CCDC178: variants seen among roughly 807,000 people sequenced by gnomAD.
CCDC178 encodes the protein coiled-coil domain-containing protein 178.
A neutral mutation model predicts 117.4 loss-of-function variants in CCDC178; 126 were observed. That is an observed-to-expected ratio of 1.07 (90% CI 0.93 to 1.24). CCDC178 has a LOEUF of 1.24. Among genes scored for constraint, CCDC178 ranks in the 50% most tolerant of loss-of-function variants. The pLI is 0.00. For synonymous variants in CCDC178, 283 were observed against 313.4 expected (o/e 0.90, Z 1.02); for missense variants, 1,030 against 986.9 (o/e 1.04, Z -0.59).
At chr18:33,023,524 G>T (rs1486670563) in intron 21 of CCDC178, among the ~76,000 whole-genome samples, 1 of 152,028 alleles carries the variant, frequency 6.6e-6, no homozygotes, top group Non-Finnish European at 1.5e-5. Flanking sequence ...TGAACTGAAT[G>T]AAAATGAAAA....
At chr18:33,266,786 G>A in intron 14 of CCDC178, 130 bp downstream of exon 14, 1 of 953,852 alleles carries the variant, frequency 1.0e-6, no homozygotes. Flanking sequence ...ATTTTGAATA[G>A]AACTTAAATT....
chr18:33,035,532 A>G (rs1478910810), intron 21 of CCDC178, among the ~76,000 whole-genome samples: 1 of 152,012 alleles, frequency 6.6e-6, no homozygotes, highest in Non-Finnish European at 1.5e-5. Context: ...CAAATATTGT[A>G]AGATCTCACT....
intron 21 of CCDC178, among the ~76,000 whole-genome samples, chr18:33,039,916 G>A (rs769624817): frequency 3.3e-5 from 5 of 151,726 alleles, no homozygotes; most frequent in African/African-American, 1.2e-4. Context: ...CCACAGGATC[G>A]ACTACAATTG....
chr18:33,430,161 T>C (rs12327414), intron 2 of CCDC178, among the ~76,000 whole-genome samples: 21,447 of 152,182 alleles, frequency 0.14, 1,540 homozygotes, highest in East Asian at 0.19. Flanking sequence ...AAAACTTTAC[T>C]TGAGTAAAAT....
chr18:33,183,816 C>T (rs1384119689), intron 20 of CCDC178, among the ~76,000 whole-genome samples: 1 of 152,018 alleles, frequency 6.6e-6, no homozygotes, highest in Non-Finnish European at 1.5e-5. Context: ...TACTTCATTG[C>T]ACTCTGATCT....
At chr18:33,363,872 T>G (rs1256341252) in intron 6 of CCDC178, among the ~76,000 whole-genome samples, 1 of 152,214 alleles carries the variant, frequency 6.6e-6, no homozygotes, top group Admixed American at 6.6e-5. Flanking sequence ...GGCAATGGAC[T>G]GATAGATTGC....
chr18:33,331,025 G>A (rs1045567178), intron 10 of CCDC178, among the ~76,000 whole-genome samples: 2 of 55,164 alleles, frequency 3.6e-5, no homozygotes, highest in Non-Finnish European at 5.9e-5. Context: ...CACAAACATT[G>A]CTTTTTTTTT....
intron 20 of CCDC178, among the ~76,000 whole-genome samples, chr18:33,129,568 C>T (rs1056288899): frequency 2.0e-5 from 3 of 151,804 alleles, no homozygotes; most frequent in Non-Finnish European, 4.4e-5. Context: ...AAATGTGGAA[C>T]CCCAACAGGA....
intron 7 of CCDC178, among the ~76,000 whole-genome samples, chr18:33,352,687 T>A (rs569710270): frequency 8.5e-5 from 13 of 152,292 alleles, no homozygotes; most frequent in African/African-American, 2.9e-4. Context: ...TTGTAAAACA[T>A]GATTTGTTTA....
At chr18:33,254,714 C>A (rs116620832) in intron 14 of CCDC178, among the ~76,000 whole-genome samples, 1 of 151,122 alleles carries the variant, frequency 6.6e-6, no homozygotes, top group East Asian at 1.9e-4. Flanking sequence ...AAGAAGAAGA[C>A]GAAGAGAAGG....
chr18:32,986,008 A>C (rs1296383938), intron 21 of CCDC178, among the ~76,000 whole-genome samples: 1 of 152,060 alleles, frequency 6.6e-6, no homozygotes, highest in Non-Finnish European at 1.5e-5. Context: ...TTGTTTTTGC[A>C]CTGTTTCTAA....
At chr18:33,332,236 T>A (rs1269349047) in intron 10 of CCDC178, among the ~76,000 whole-genome samples, 1 of 152,158 alleles carries the variant, frequency 6.6e-6, no homozygotes, top group African/African-American at 2.4e-5. Flanking sequence ...TATAAACACA[T>A]GAAATTCATT....
At chr18:33,047,309 G>A (rs2056662180) in intron 21 of CCDC178, among the ~76,000 whole-genome samples, 1 of 152,156 alleles carries the variant, frequency 6.6e-6, no homozygotes, top group Non-Finnish European at 1.5e-5. Context: ...TCTGGTTTAA[G>A]TTCATTCCTT....
At chr18:33,190,164 T>C (rs2058841011) in intron 20 of CCDC178, among the ~76,000 whole-genome samples, 1 of 152,200 alleles carries the variant, frequency 6.6e-6, no homozygotes, top group Non-Finnish European at 1.5e-5. Flanking sequence ...CTTGGCTTCT[T>C]AGAATTTTAG....
rs2059283432 is a variant in CCDC178 at position 33,224,863 on chromosome 18, G to A, written c.1730C>T (p.Ala577Val). ...TTCCTGTAGTTCTGCCAGTGACATG[G>A]CACATATTGCTCTATTTTTTATAAG... ...KELIKNRAIC[A>V]MSLAELQEPL... Residue 577 changes from alanine to valine, a missense_variant, in exon 17 of 23, where the codon GCC (alanine) becomes GTC (valine). Physicochemically the swap from Ala to Val is moderately conservative, Grantham distance 64. Transcript: ENST00000383096. 1.3e-6 allele frequency: 2 copies of A among 1,584,272 alleles called. No homozygotes were observed. Among genetic ancestry groups the A allele is most frequent in the East Asian group, 2.3e-5 (1 of 43,208 alleles).
chr18:33,389,241 A>T (rs12606576), intron 5 of CCDC178, among the ~76,000 whole-genome samples: 17,816 of 152,114 alleles, frequency 0.12, 1,458 homozygotes, highest in East Asian at 0.38. Context: ...GTCCTCAATG[A>T]ACTGGAAATG....
At chr18:33,402,403 CA>C (rs2063720836) in intron 3 of CCDC178, among the ~76,000 whole-genome samples, 1 of 152,164 alleles carries the variant, frequency 6.6e-6, no homozygotes, top group Admixed American at 6.5e-5. Context: ...TGAAGGTCAA[CA>C]GAGCCTTGAA....
chr18:33,374,617 T>C (rs1416350222), intron 5 of CCDC178, among the ~76,000 whole-genome samples: 1 of 152,134 alleles, frequency 6.6e-6, no homozygotes, highest in Non-Finnish European at 1.5e-5. Context: ...TACTCAGCAT[T>C]CCTCTTCTTT....
intron 21 of CCDC178, among the ~76,000 whole-genome samples, chr18:32,998,892 T>G (rs1438946780): frequency 6.6e-6 from 1 of 151,938 alleles, no homozygotes; most frequent in Non-Finnish European, 1.5e-5. Context: ...TGACATCAGG[T>G]GTCAACATAT....
Sources: gnomAD v4.1 joint callset for allele counts (sites outside exome capture counted in the v4.1 genomes callset) on GRCh38, gnomAD v4.1.1 for gene constraint, MANE v1.5 for transcripts, NCBI Gene and HGNC (gene_info 2026-07-23, HGNC 2026-07-21) for gene names.